STOX2: variants seen among roughly 807,000 people sequenced by gnomAD.
STOX2 encodes storkhead-box protein 2.
STOX2 carries 28 observed loss-of-function variants against 60.9 expected under a neutral mutation model. The ratio of observed to expected loss-of-function variants is 0.46; its 90% CI spans 0.34 to 0.63. The LOEUF is 0.63. STOX2 is among the 30% of genes least tolerant of loss of function. The pLI is 0.01. For synonymous variants in STOX2, 472 were observed against 463.9 expected, an observed-to-expected ratio of 1.02 and a Z score of -0.22; for missense variants, 1,024 against 1,187.7, an observed-to-expected ratio of 0.86 and a Z score of 2.03.
intron 3 of STOX2, among the ~76,000 whole-genome samples, chr4:184,012,106 G>C (rs1419981508): frequency 6.6e-6 from 1 of 152,244 alleles, no homozygotes; most frequent in Admixed American, 6.5e-5. Flanking sequence ...TCTAATTGTA[G>C]TTCCTTCTTG....
rs3749531 is a variant in STOX2, at chr4:184,022,121, T to G, written c.*4837T>G. 100,738 of 152,050 alleles carry G rather than the reference T, an allele frequency of 0.66. 34,107 individuals are homozygous for G. The highest frequency in any genetic ancestry group is 0.9 in the East Asian group (4,688 of 5,184). The allele number at this position is 152,050 out of a possible 1,614,324, so 9.4% of individuals were successfully genotyped here. A position where few individuals can be genotyped will look rare whatever the true frequency, so the allele number is the denominator to read the frequency against. ...GGCAGGACAAAGATTACTATTGGTC[T>G]GAGCTTTGCCAAGTGAGATAGAATC... On this transcript the variant is annotated 3_prime_UTR_variant, in exon 4 of 4. Coordinates refer to ENST00000308497, the MANE Select transcript of STOX2 (RefSeq NM_020225.3).
At chr4:183,953,049 G>T (rs1343297862) in intron 1 of STOX2, among the ~76,000 whole-genome samples, 1 of 152,138 alleles carries the variant, frequency 6.6e-6, no homozygotes, top group Non-Finnish European at 1.5e-5. Context: ...AGGGTGGGAG[G>T]CTGGGGGAGG....
chr4:183,849,770 G>A (rs6813846), intron 1 of STOX2, among the ~76,000 whole-genome samples: 48,308 of 151,800 alleles, frequency 0.32, 7,742 homozygotes, highest in East Asian at 0.43. Flanking sequence ...TTGGGAGTTC[G>A]GCACATCGTT....
rs990171058 is a variant in STOX2 at position 183,856,325 on chromosome 4, A to T, written c.364+58270A>T. On this transcript the variant is annotated intron_variant, in intron 1 of 2. Transcript: ENST00000513034. The surrounding 1 kb of genome is among the most constrained non-coding windows in gnomAD (Gnocchi z 4.0). ...TAATTAAAGAAATGGCATGGGCTAC[A>T]CTAACAGAAGAGCACCCTTCAGGAG... Among the ~76,000 whole-genome samples the T allele has an allele frequency of 1.3e-5, 2 of 152,238 alleles. No individual in the cohort carries two copies. Among genetic ancestry groups the T allele is most frequent in the Non-Finnish European group, 1.5e-5 (1 of 68,040 alleles).
At chr4:183,948,412 C>T (rs1742966380) in intron 1 of STOX2, among the ~76,000 whole-genome samples, 1 of 151,644 alleles carries the variant, frequency 6.6e-6, no homozygotes, top group Non-Finnish European at 1.5e-5. Flanking sequence ...CCAGTAGCTC[C>T]ATATTTCTAT....
chr4:183,933,328 T>C (rs2111118453), intron 1 of STOX2, among the ~76,000 whole-genome samples: 1 of 152,346 alleles, frequency 6.6e-6, no homozygotes, highest in African/African-American at 2.4e-5. Flanking sequence ...GCCTGTCTAG[T>C]TCTTATTGAA....
At chr4:183,809,692 C>T (rs111587165) in intron 1 of STOX2, among the ~76,000 whole-genome samples, 84 of 152,314 alleles carry the variant, frequency 5.5e-4, no homozygotes, top group African/African-American at 1.7e-3. Context: ...CTACCATTCC[C>T]GGCCCTGACT....
upstream of STOX2, among the ~76,000 whole-genome samples, chr4:183,901,597 A>ATTTTTTTTTTTTTTTTTTT (rs35480727): frequency 7.1e-6 from 1 of 140,344 alleles, no homozygotes. Flanking sequence ...GTTTTTGGGT[A>ATTTTTTTTTTTTTTTTTTT]TTTTTTTTTT....
At chr4:184,005,457 C>CAA (rs60307441) in intron 2 of STOX2, among the ~76,000 whole-genome samples, 2 of 59,280 alleles carry the variant, frequency 3.4e-5, no homozygotes, top group African/African-American at 9.2e-5. Flanking sequence ...GACGATATCT[C>CAA]AAAAAAAAAA....
chr4:183,995,767 A>C (rs1733313131), intron 1 of STOX2, among the ~76,000 whole-genome samples: 1 of 152,258 alleles, frequency 6.6e-6, no homozygotes, highest in Non-Finnish European at 1.5e-5. Context: ...CTTGTCAACC[A>C]GGATCTGGCC....
At chr4:183,934,046 G>C (rs1006766083) in intron 1 of STOX2, among the ~76,000 whole-genome samples, 1 of 152,150 alleles carries the variant, frequency 6.6e-6, no homozygotes. Context: ...GCTCATGCCT[G>C]TGATCCTAGC....
At chr4:183,908,383 T>G (rs10016186) in intron 1 of STOX2, among the ~76,000 whole-genome samples, 147,962 of 152,254 alleles carry the variant, frequency 0.97, 72,046 homozygotes, top group Middle Eastern at 1. Flanking sequence ...ATAAACCCAT[T>G]GCTGCACTAA....
intron 1 of STOX2, among the ~76,000 whole-genome samples, chr4:183,994,657 T>C (rs1733256452): frequency 6.6e-6 from 1 of 152,214 alleles, no homozygotes; most frequent in Non-Finnish European, 1.5e-5. Flanking sequence ...ATTTTACAGA[T>C]GAGGAAACGG....
chr4:183,902,793 A>T (rs6552716), upstream of STOX2, among the ~76,000 whole-genome samples: 141,329 of 152,272 alleles, frequency 0.93, 65,746 homozygotes, highest in Admixed American at 0.96. Context: ...ATAAATTACT[A>T]CACCACCCAT....
chr4:183,815,434 T>C (rs1045433923), intron 1 of STOX2, among the ~76,000 whole-genome samples: 1 of 152,186 alleles, frequency 6.6e-6, no homozygotes, highest in African/African-American at 2.4e-5. Context: ...TTTATTTCAG[T>C]TACAACATTG....
At chr4:183,909,653 G>C (rs184648810) in intron 1 of STOX2, among the ~76,000 whole-genome samples, 1 of 152,192 alleles carries the variant, frequency 6.6e-6, no homozygotes, top group Non-Finnish European at 1.5e-5. Flanking sequence ...CAGGACATGA[G>C]AGAGCCTTGG....
At chr4:183,864,154 G>C (rs1360140755) in intron 1 of STOX2, among the ~76,000 whole-genome samples, 1 of 152,096 alleles carries the variant, frequency 6.6e-6, no homozygotes. Flanking sequence ...AAATACAGAG[G>C]TAAACGAGGC....
At chr4:183,883,093 C>G (rs925136896) in intron 1 of STOX2, among the ~76,000 whole-genome samples, 1 of 152,060 alleles carries the variant, frequency 6.6e-6, no homozygotes, top group African/African-American at 2.4e-5. Flanking sequence ...CCGGCTTCAG[C>G]AATGTCATCA....
intron 1 of STOX2, among the ~76,000 whole-genome samples, chr4:183,932,258 T>G (rs1405558711): frequency 6.6e-6 from 1 of 151,748 alleles, no homozygotes; most frequent in East Asian, 1.9e-4. Context: ...ATGTTGAGTT[T>G]CAGGTATTGA....
Sources: allele counts gnomAD v4.1 joint callset (sites outside exome capture counted in the v4.1 genomes callset), GRCh38; gene constraint gnomAD v4.1.1; non-coding constraint Gnocchi (gnomAD v3.1); transcripts MANE v1.5; gene names NCBI Gene and HGNC (gene_info 2026-07-23, HGNC 2026-07-21).